Variants in SNTG1 observed in about 807,000 individuals in gnomAD.
SNTG1 encodes gamma-1-syntrophin.
Under a neutral mutation model 74.7 loss-of-function variants are expected in SNTG1, and 39 were observed. That is an observed-to-expected ratio of 0.52 (90% CI 0.40 to 0.68). The LOEUF (loss-of-function observed/expected upper bound fraction) is 0.68. Among genes scored for constraint, SNTG1 ranks in the 30% least tolerant of loss-of-function variants. SNTG1 has a pLI of 0.00. For synonymous variants in SNTG1, 254 were observed against 217.1 expected, an observed-to-expected ratio of 1.17 and a Z score of -1.49; for missense variants, 685 against 609.5, an observed-to-expected ratio of 1.12 and a Z score of -1.30.
At chr8:50,107,432 T>C (rs1348545567) in intron 1 of SNTG1, among the ~76,000 whole-genome samples, 1 of 152,220 alleles carries the variant, frequency 6.6e-6, no homozygotes, top group Non-Finnish European at 1.5e-5. Context: ...CTTTAAATAC[T>C]TCTTTAATTA....
intron 8 of SNTG1, among the ~76,000 whole-genome samples, chr8:50,496,233 G>T (rs189002632): frequency 6.6e-6 from 1 of 152,132 alleles, no homozygotes; most frequent in Non-Finnish European, 1.5e-5. Context: ...TGTTACTGGC[G>T]GGCAGAAATA....
chr8:50,514,278 T>G (rs535491306), intron 9 of SNTG1, among the ~76,000 whole-genome samples: 7 of 152,158 alleles, frequency 4.6e-5, no homozygotes, highest in African/African-American at 1.7e-4. Flanking sequence ...CTTTTTCTAG[T>G]TTTTGAATGG....
intron 2 of SNTG1, among the ~76,000 whole-genome samples, chr8:50,297,835 C>T (rs1018461925): frequency 8.0e-5 from 12 of 149,496 alleles, no homozygotes; most frequent in African/African-American, 3.0e-4. Flanking sequence ...GGTGTGGTAG[C>T]AAGAGAACTG....
At chr8:50,567,233 A>G (rs1202559961) in intron 12 of SNTG1, among the ~76,000 whole-genome samples, 1 of 152,078 alleles carries the variant, frequency 6.6e-6, no homozygotes, top group African/African-American at 2.4e-5. Flanking sequence ...GAGAGGAGGC[A>G]GGTAAAATGC....
chr8:50,247,804 G>A (rs181859228), intron 2 of SNTG1, among the ~76,000 whole-genome samples: 14 of 151,990 alleles, frequency 9.2e-5, no homozygotes, highest in African/African-American at 2.4e-4. Flanking sequence ...AATTACAGCC[G>A]TGAGCCACTG....
At chr8:50,293,553 G>A (rs928333999) in intron 2 of SNTG1, among the ~76,000 whole-genome samples, 3 of 152,068 alleles carry the variant, frequency 2.0e-5, no homozygotes, top group East Asian at 3.9e-4. Context: ...GGGATTACAG[G>A]CATGCACCAA....
chr8:50,182,389 G>T (rs2083236923), intron 2 of SNTG1, among the ~76,000 whole-genome samples: 1 of 152,062 alleles, frequency 6.6e-6, no homozygotes, highest in Admixed American at 6.6e-5. Flanking sequence ...ATATTTTTAT[G>T]ACATGACATT....
chr8:50,115,576 A>ACAAAAAAAAAAAAAAAAAAAAAC, intron 1 of SNTG1, among the ~76,000 whole-genome samples: 1 of 82,800 alleles, frequency 1.2e-5, no homozygotes, highest in Non-Finnish European at 2.7e-5. Context: ...TCAAAAAAAA[A>ACAAAAAAAAAAAAAAAAAAAAAC]AAAAAAAAAA....
chr8:50,294,830 G>A (rs1443944916), intron 2 of SNTG1, among the ~76,000 whole-genome samples: 2 of 152,196 alleles, frequency 1.3e-5, no homozygotes, highest in African/African-American at 4.8e-5. Context: ...TCTTATCAGT[G>A]CCAGCAGGAA....
intron 1 of SNTG1, among the ~76,000 whole-genome samples, chr8:50,129,248 G>A (rs371875706): frequency 1.2e-4 from 18 of 152,072 alleles, no homozygotes; most frequent in East Asian, 1.2e-3. Context: ...TAGCACACAC[G>A]CTGCCCGATC....
chr8:50,414,291 G>A (rs572222081), intron 4 of SNTG1, among the ~76,000 whole-genome samples: 5 of 152,290 alleles, frequency 3.3e-5, no homozygotes, highest in African/African-American at 9.6e-5. Context: ...CACACAGGTA[G>A]AGACAATTCA....
chr8:50,216,873 G>T (rs2084814024), intron 2 of SNTG1, among the ~76,000 whole-genome samples: 1 of 151,882 alleles, frequency 6.6e-6, no homozygotes, highest in African/African-American at 2.4e-5. Context: ...AATAGCATTT[G>T]GAGAACCATC....
intron 2 of SNTG1, among the ~76,000 whole-genome samples, chr8:50,186,019 G>T (rs1264854419): frequency 2.0e-5 from 3 of 151,890 alleles, no homozygotes; most frequent in Admixed American, 2.0e-4. Flanking sequence ...CCCCCGACAG[G>T]TCTGTGTGTG....
At chr8:50,765,281 A>G (rs1331886692) in intron 18 of SNTG1, among the ~76,000 whole-genome samples, 1 of 152,016 alleles carries the variant, frequency 6.6e-6, no homozygotes, top group Non-Finnish European at 1.5e-5. Context: ...ATTATTGTAT[A>G]ACAGTTTCTG....
At chr8:50,266,998 T>G (rs559468078) in intron 2 of SNTG1, among the ~76,000 whole-genome samples, 1 of 150,674 alleles carries the variant, frequency 6.6e-6, no homozygotes, top group African/African-American at 2.4e-5. Context: ...TAAGACACCC[T>G]TTTTTTTTCA....
Position 50,470,954 on chromosome 8 carries a change from T to A in SNTG1, c.363+20225T>A, listed in dbSNP as rs189010240. On this transcript the variant is annotated intron_variant, in intron 8 of 18. Coordinates refer to ENST00000642720, the MANE Select transcript of SNTG1 (RefSeq NM_018967.5). ...GTCCATTTTACAGAGTGCTGATTGGTTCATATTTACAGAGTGCTGATTGGT... is the reference window on the plus strand; with the variant it reads ...GTCCATTTTACAGAGTGCTGATTGGATCATATTTACAGAGTGCTGATTGGT... 6.6e-3 allele frequency among the ~76,000 whole-genome samples: 998 copies of A among 152,250 alleles called. 5 individuals carry two copies. Among genetic ancestry groups the A allele is most frequent in the Middle Eastern group, 0.044 (13 of 294 alleles).
At chr8:50,654,448 AC>A (rs2095168124) in intron 13 of SNTG1, among the ~76,000 whole-genome samples, 1 of 152,116 alleles carries the variant, frequency 6.6e-6, no homozygotes, top group South Asian at 2.1e-4. Flanking sequence ...TCTCAGATAT[AC>A]CCTGATGAAA....
At chr8:50,750,480 C>T (rs1447242544) in intron 17 of SNTG1, among the ~76,000 whole-genome samples, 1 of 151,966 alleles carries the variant, frequency 6.6e-6, no homozygotes, top group Admixed American at 6.6e-5. Flanking sequence ...GGGTAAAATG[C>T]TATTCGGCTA....
At chr8:50,330,000 C>G (rs767476868) in intron 2 of SNTG1, among the ~76,000 whole-genome samples, 71 of 152,166 alleles carry the variant, frequency 4.7e-4, no homozygotes, top group Non-Finnish European at 1.9e-4. Context: ...TGCTCCAGTT[C>G]CCAAGAAGTT....
Sources: gnomAD v4.1 joint callset for allele counts (sites outside exome capture counted in the v4.1 genomes callset) on GRCh38, gnomAD v4.1.1 for gene constraint, MANE v1.5 for transcripts, NCBI Gene and HGNC (gene_info 2026-07-23, HGNC 2026-07-21) for gene names.